ADARB2: variants seen among roughly 807,000 people sequenced by gnomAD.
ADARB2 encodes the protein inactive double-stranded RNA-specific editase B2.
In ADARB2, 25 loss-of-function variants were observed where a neutral mutation model predicts 62.2. The observed-to-expected ratio is 0.40, with a 90% CI of 0.29 to 0.56. The LOEUF (loss-of-function observed/expected upper bound fraction) is 0.56. Among genes scored for constraint, ADARB2 ranks in the 20% least tolerant of loss-of-function variants. The pLI is 0.43. For missense variants in ADARB2, 1,071 were observed against 1,077.4 expected (o/e 0.99, Z 0.08); for synonymous variants, 572 against 500.8 (o/e 1.14, Z -1.90).
chr10:1,292,471 C>T (rs914759367), intron 3 of ADARB2: 1 of 152,170 alleles, frequency 6.6e-6, no homozygotes, highest in African/African-American at 2.4e-5. Flanking sequence ...CAAATCACAG[C>T]ATGCATAGAC....
intron 1 of ADARB2, among the ~76,000 whole-genome samples, chr10:1,541,794 G>A (rs374153067): frequency 2.2e-5 from 1 of 46,136 alleles, no homozygotes. Context: ...GATCACAGCC[G>A]CCCAGACCGC....
intron 3 of ADARB2, chr10:1,290,001 T>A (rs1158149676): frequency 6.6e-6 from 1 of 152,272 alleles, no homozygotes; most frequent in Non-Finnish European, 1.5e-5. Context: ...TTACAGACAT[T>A]GAGGCATTTC....
intron 1 of ADARB2, among the ~76,000 whole-genome samples, chr10:1,497,646 C>A (rs749143374): frequency 1.3e-5 from 2 of 152,134 alleles, no homozygotes; most frequent in Non-Finnish European, 2.9e-5. Flanking sequence ...GCTTTTTATA[C>A]ACTAATCCTA....
intron 1 of ADARB2, among the ~76,000 whole-genome samples, chr10:1,591,997 G>C (rs1416356247): frequency 1.3e-5 from 2 of 152,236 alleles, no homozygotes; most frequent in Non-Finnish European, 2.9e-5. Flanking sequence ...CTGGGCAGGG[G>C]TTCCGGCTCT....
chr10:1,591,226 C>T lies in ADARB2; in HGVS notation c.100+145825G>A, dbSNP rs192557720. Reference sequence around the variant, plus strand: ...GTGGGTGGGAGAAGCCACCCTGAATCCAGACGCAGCACCAGAGGCAGGGCT... The same window carrying T: ...GTGGGTGGGAGAAGCCACCCTGAATTCAGACGCAGCACCAGAGGCAGGGCT... On this transcript the variant is annotated intron_variant, in intron 1 of 9. Coordinates refer to ENST00000381312, the MANE Select transcript of ADARB2 (RefSeq NM_018702.4). Among the ~76,000 whole-genome samples the T allele has an allele frequency of 1.5e-3, 234 of 152,278 alleles. 10 individuals are homozygous for T. In the East Asian group the frequency reaches 0.035, roughly 23 times the overall value.
intron 3 of ADARB2, among the ~76,000 whole-genome samples, chr10:1,357,868 G>A (rs116840882): frequency 6.6e-6 from 1 of 152,336 alleles, no homozygotes; most frequent in Non-Finnish European, 1.5e-5. Flanking sequence ...CCACAGACAT[G>A]TTAGCAACTT....
At chr10:1,478,820 A>G (rs2131922690) in intron 1 of ADARB2, among the ~76,000 whole-genome samples, 1 of 151,780 alleles carries the variant, frequency 6.6e-6, no homozygotes, top group South Asian at 2.1e-4. Context: ...GGACCTTCGG[A>G]CGGGAGAGCA....
chr10:1,375,041 G>A (rs1832410283), intron 2 of ADARB2, among the ~76,000 whole-genome samples: 1 of 152,098 alleles, frequency 6.6e-6, no homozygotes, highest in African/African-American at 2.4e-5. Flanking sequence ...CTGCAGAAGG[G>A]CCTCCTTCAA....
At chr10:1,389,742 G>C (rs537087229) in intron 1 of ADARB2, among the ~76,000 whole-genome samples, 28 of 134,934 alleles carry the variant, frequency 2.1e-4, no homozygotes, top group Admixed American at 2.0e-3. Flanking sequence ...GTGAGACTCT[G>C]ACTCAAAAAT....
At position 1,571,688 on chromosome 10, in the gene ADARB2, G is replaced by A. The variant is rs553316336; in HGVS notation, c.100+165363C>T. Among the ~76,000 whole-genome samples, 390 of 139,876 alleles carry A rather than the reference G, an allele frequency of 2.8e-3. 2 individuals are homozygous for A. The highest frequency in any genetic ancestry group is 0.014 in the Middle Eastern group (4 of 284). The allele number at this position is 139,876 out of a possible 152,430, so 91.8% of individuals were successfully genotyped here. On this transcript the variant is annotated intron_variant, in intron 1 of 9. Transcript: ENST00000381312. The stretch of plus-strand genomic sequence containing the variant: ...TGAGTGTGCAGGTGAGTGTGCAGGT[G>A]AGTGGACAGGTGAGTGGACAGGTGA...
chr10:1,274,729 G>T (rs1427240681), intron 3 of ADARB2, among the ~76,000 whole-genome samples: 1 of 152,238 alleles, frequency 6.6e-6, no homozygotes, highest in African/African-American at 2.4e-5. Context: ...GCCCAGGAAG[G>T]TGCCAATATT....
chr10:1,284,972 C>T (rs1024771316), intron 3 of ADARB2, among the ~76,000 whole-genome samples: 2 of 152,108 alleles, frequency 1.3e-5, no homozygotes, highest in East Asian at 1.9e-4. Context: ...CCAGCTCCTG[C>T]AGAGGACAGG....
chr10:1,343,339 G>A (rs556481241), intron 3 of ADARB2, among the ~76,000 whole-genome samples: 1 of 152,270 alleles, frequency 6.6e-6, no homozygotes, highest in South Asian at 2.1e-4. Context: ...CGTCAGAATG[G>A]CTAGTACTAA....
At position 1,366,047 on chromosome 10, in the gene ADARB2, C is replaced by T. The variant is rs190390837; in HGVS notation, c.188-2130G>A. Among the ~76,000 whole-genome samples the T allele has an allele frequency of 7.2e-5, 11 of 152,176 alleles. No individual in the cohort carries two copies. In the East Asian group the frequency reaches 2.1e-3, roughly 29 times the overall value. ...GGATAGGATATTATTATAAGAACACCGACGTTCTATATTCTTCATGCAGCC... is the reference window on the plus strand; with the variant it reads ...GGATAGGATATTATTATAAGAACACTGACGTTCTATATTCTTCATGCAGCC... On this transcript the variant is annotated intron_variant, in intron 2 of 9. Coordinates refer to ENST00000381312, the MANE Select transcript of ADARB2 (RefSeq NM_018702.4).
chr10:1,602,866 C>G (rs1229785057), intron 1 of ADARB2, among the ~76,000 whole-genome samples: 1 of 151,970 alleles, frequency 6.6e-6, no homozygotes, highest in African/African-American at 2.4e-5. Flanking sequence ...TACACACATA[C>G]ACATATCAAC....
intron 7 of ADARB2, among the ~76,000 whole-genome samples, chr10:1,204,228 G>C (rs1270648747): frequency 6.6e-6 from 1 of 152,130 alleles, no homozygotes; most frequent in African/African-American, 2.4e-5. Flanking sequence ...AGGCCACTCA[G>C]ACCTATTCTG....
At chr10:1,465,717 G>A (rs1831246259) in intron 1 of ADARB2, among the ~76,000 whole-genome samples, 1 of 152,228 alleles carries the variant, frequency 6.6e-6, no homozygotes, top group African/African-American at 2.4e-5. Context: ...GTATGGACAA[G>A]CATGGACAGC....
chr10:1,492,111 G>T (rs1356910847), intron 1 of ADARB2, among the ~76,000 whole-genome samples: 1 of 152,202 alleles, frequency 6.6e-6, no homozygotes, highest in Non-Finnish European at 1.5e-5. Flanking sequence ...AGACAGGGAA[G>T]CATATAGTTT....
intron 1 of ADARB2, among the ~76,000 whole-genome samples, chr10:1,686,656 C>G (rs1365966931): frequency 2.0e-5 from 3 of 152,182 alleles, no homozygotes; most frequent in Admixed American, 2.0e-4. Flanking sequence ...TGGCTTGTCT[C>G]TCTCTGCAAG....
Sources: allele counts gnomAD v4.1 joint callset (sites outside exome capture counted in the v4.1 genomes callset), GRCh38; gene constraint gnomAD v4.1.1; transcripts MANE v1.5; gene names NCBI Gene and HGNC (gene_info 2026-07-23, HGNC 2026-07-21).